ANO3: variants seen among roughly 807,000 people sequenced by gnomAD.
The protein encoded by ANO3 is anoctamin-3.
A neutral mutation model predicts 144.8 loss-of-function variants in ANO3; 99 were observed. The ratio of observed to expected loss-of-function variants is 0.68; its 90% confidence interval spans 0.58 to 0.81. The LOEUF is 0.81. Ranked by LOEUF, ANO3 falls within the 30% of genes least tolerant of loss-of-function variation. ANO3 has a pLI of 0.00. For synonymous variants in ANO3, 414 were observed against 392.6 expected, an observed-to-expected ratio of 1.05 and a Z score of -0.64; for missense variants, 905 against 1,202.2, an observed-to-expected ratio of 0.75 and a Z score of 3.66.
At position 26,517,227 on chromosome 11, in the gene ANO3, G is replaced by A. The variant is rs7126899; in HGVS notation, c.692+300G>A. 0.59 allele frequency among the ~76,000 whole-genome samples: 90,074 copies of A among 151,768 alleles called. 27,733 individuals carry two copies. Among genetic ancestry groups the A allele is most frequent in the East Asian group, 0.79 (4,104 of 5,168 alleles). On this transcript the variant is annotated intron_variant, in intron 6 of 26. Transcript: ENST00000256737. Reference sequence around the variant, plus strand: ...ATCAGTCTCACTCCTTATTTCATATGGGTGGGCAGAACTCTTTTTAGTTTT... The same window carrying A: ...ATCAGTCTCACTCCTTATTTCATATAGGTGGGCAGAACTCTTTTTAGTTTT...
At chr11:26,657,635 G>A (rs1007255730) in intron 26 of ANO3, among the ~76,000 whole-genome samples, 25 of 151,208 alleles carry the variant, frequency 1.7e-4, no homozygotes, top group African/African-American at 4.6e-4. Flanking sequence ...CTTTTCATCC[G>A]TATAAATTCT....
chr11:26,524,408 A>G (rs1023112075), intron 6 of ANO3, among the ~76,000 whole-genome samples: 1 of 152,144 alleles, frequency 6.6e-6, no homozygotes, highest in African/African-American at 2.4e-5. Context: ...TTTGCAGTGA[A>G]AGGGACTGCA....
chr11:26,429,631 A>G (rs1419318371), intron 1 of ANO3, among the ~76,000 whole-genome samples: 1 of 152,158 alleles, frequency 6.6e-6, no homozygotes, highest in African/African-American at 2.4e-5. Context: ...TCAAAGTAAA[A>G]CCCACTCTGT....
At chr11:26,396,778 G>A (rs190085670) in intron 1 of ANO3, among the ~76,000 whole-genome samples, 1,582 of 151,770 alleles carry the variant, frequency 0.01, 11 homozygotes, top group Non-Finnish European at 0.015. Flanking sequence ...AACATCACAC[G>A]TCGGGGGCCT....
At chr11:26,351,399 T>A (rs1189765688) in intron 1 of ANO3, among the ~76,000 whole-genome samples, 1 of 152,186 alleles carries the variant, frequency 6.6e-6, no homozygotes, top group African/African-American at 2.4e-5. Flanking sequence ...GTCTATATTT[T>A]ATTTTTTCAT....
intron 14 of ANO3, among the ~76,000 whole-genome samples, chr11:26,584,000 C>T (rs186830193): frequency 7.6e-4 from 116 of 152,312 alleles, no homozygotes; most frequent in Non-Finnish European, 1.4e-3. Context: ...TCCCTGACCC[C>T]TTCTAATCAA....
chr11:26,424,089 G>A (rs758921729), intron 1 of ANO3, among the ~76,000 whole-genome samples: 1 of 151,764 alleles, frequency 6.6e-6, no homozygotes, highest in Non-Finnish European at 1.5e-5. Context: ...ACCTCCCAAA[G>A]AACAAAAGAA....
chr11:26,427,090 C>A (rs117253752), intron 1 of ANO3: 3,721 of 181,742 alleles, frequency 0.02, 63 homozygotes, highest in Middle Eastern at 0.043. Context: ...TCTCTGGAAC[C>A]TTCCCTGCTT....
At chr11:26,634,925 C>A in intron 19 of ANO3, 88 bp from the exon 20 acceptor site, 1 of 1,045,076 alleles carries the variant, frequency 9.6e-7, no homozygotes, top group Non-Finnish European at 1.5e-6. Flanking sequence ...TTTATGTCTA[C>A]CCACACATGC....
chr11:26,563,513 T>G (rs1483398815), intron 14 of ANO3, among the ~76,000 whole-genome samples: 4 of 151,806 alleles, frequency 2.6e-5, no homozygotes, highest in Non-Finnish European at 4.4e-5. Context: ...TACATTGAAA[T>G]ACTTCTAAGT....
At chr11:26,656,567 A>G in intron 26 of ANO3, 86 bp downstream of exon 26, 2 of 873,744 alleles carry the variant, frequency 2.3e-6, no homozygotes, top group East Asian at 4.8e-5. Flanking sequence ...TCAGTTCCTC[A>G]GACTTCCATA....
chr11:26,340,476 A>G (rs1179092108), intron 1 of ANO3, among the ~76,000 whole-genome samples: 3 of 152,222 alleles, frequency 2.0e-5, no homozygotes, highest in Non-Finnish European at 4.4e-5. Flanking sequence ...ATCACCTAAC[A>G]TTCTTGTTAA....
At chr11:26,542,162 T>A in intron 11 of ANO3, 94 bp downstream of exon 11, 1 of 1,393,542 alleles carries the variant, frequency 7.2e-7, no homozygotes, top group East Asian at 2.5e-5. Context: ...CCAGTGAGGA[T>A]GCAGTCTACA....
intron 14 of ANO3, among the ~76,000 whole-genome samples, chr11:26,585,800 C>T (rs1354775248): frequency 1.3e-5 from 2 of 152,142 alleles, no homozygotes; most frequent in African/African-American, 2.4e-5. Context: ...CCAAATTTCT[C>T]ATATGTTAAA....
intron 1 of ANO3, among the ~76,000 whole-genome samples, chr11:26,204,169 C>A (rs971354259): frequency 6.6e-6 from 1 of 152,046 alleles, no homozygotes. Flanking sequence ...GTTCCTATAC[C>A]GCATTCCCTG....
intron 12 of ANO3, among the ~76,000 whole-genome samples, chr11:26,548,597 A>T (rs984748104): frequency 8.9e-5 from 11 of 123,386 alleles, no homozygotes; most frequent in South Asian, 2.2e-4. Context: ...TGTATGTATA[A>T]GTATAACAAT....
intron 1 of ANO3, among the ~76,000 whole-genome samples, chr11:26,378,679 G>A (rs1245122750): frequency 1.3e-5 from 2 of 151,844 alleles, no homozygotes; most frequent in Non-Finnish European, 2.9e-5. Flanking sequence ...TCAACAGAGG[G>A]GCAAATTGAG....
intron 24 of ANO3, 87 bp from the exon 25 acceptor site, chr11:26,656,037 AT>A (rs1853677254): frequency 7.6e-6 from 8 of 1,058,952 alleles, no homozygotes; most frequent in Non-Finnish European, 1.1e-5. Flanking sequence ...AGAATAATAC[AT>A]TTGTAAAATC....
At chr11:26,354,407 T>A (rs2349812) in intron 1 of ANO3, among the ~76,000 whole-genome samples, 151,606 of 152,318 alleles carry the variant, frequency 1, 75,450 homozygotes, top group East Asian at 1. Flanking sequence ...ACAGGTGCAT[T>A]CTTTTCTCCA....
Sources: gnomAD v4.1 joint callset for allele counts (sites outside exome capture counted in the v4.1 genomes callset) on GRCh38, gnomAD v4.1.1 for gene constraint, MANE v1.5 for transcripts, NCBI Gene and HGNC (gene_info 2026-07-23, HGNC 2026-07-21) for gene names.